Variants in DACH2 observed in about 807,000 individuals in gnomAD.
The protein encoded by DACH2 is dachshund family transcription factor 2.
Under a neutral mutation model 35.8 loss-of-function variants are expected in DACH2, and 17 were observed. The observed-to-expected ratio is 0.48, with a 90% CI of 0.33 to 0.71. DACH2 has a LOEUF of 0.71. Among genes scored for constraint, DACH2 ranks in the 30% least tolerant of loss-of-function variants. The probability of loss-of-function intolerance (pLI) is 0.02; values close to 1 mark genes in which losing one functional copy is unlikely to be tolerated. For missense variants in DACH2, 469 were observed against 472.7 expected (o/e 0.99, Z 0.07); for synonymous variants, 195 against 177.3 (o/e 1.10, Z -0.79).
At chrX:86,360,540 C>T (rs936039715) in intron 1 of DACH2, among the ~76,000 whole-genome samples, 3 of 111,687 alleles carry the variant, frequency 2.7e-5, no homozygotes, top group South Asian at 3.7e-4. Context: ...AAAAAACACA[C>T]TTTTACATTT....
At chrX:86,380,547 A>G (rs919413900) in intron 2 of DACH2, among the ~76,000 whole-genome samples, 5 of 110,871 alleles carry the variant, frequency 4.5e-5, no homozygotes, top group African/African-American at 1.6e-4. Context: ...GAAAAAAATA[A>G]GGAAAGAGCA....
chrX:86,460,001 C>T (rs1215462683), intron 2 of DACH2, among the ~76,000 whole-genome samples: 1 of 110,549 alleles, frequency 9.0e-6, no homozygotes, highest in Non-Finnish European at 1.9e-5. Context: ...TTTGCTCCCC[C>T]ATTTATATTA....
At chrX:86,452,418 C>A (rs772275784) in intron 2 of DACH2, among the ~76,000 whole-genome samples, 3 of 111,127 alleles carry the variant, frequency 2.7e-5, no homozygotes, top group Non-Finnish European at 5.7e-5. Flanking sequence ...CTTCTTTGTA[C>A]CTCTGGTAGT....
chrX:86,801,343 A>T (rs1158131780), intron 7 of DACH2, among the ~76,000 whole-genome samples: 1 of 110,396 alleles, frequency 9.1e-6, no homozygotes, highest in Non-Finnish European at 1.9e-5. Flanking sequence ...TGATCCTTCT[A>T]CCTCAGCATC....
intron 1 of DACH2, among the ~76,000 whole-genome samples, chrX:86,289,687 T>C (rs1221447889): frequency 9.5e-6 from 1 of 105,522 alleles, no homozygotes; most frequent in African/African-American, 3.5e-5. Context: ...TTTTTTCTTC[T>C]TGCGATAGTT....
At chrX:86,461,653 C>A (rs969913148) in intron 2 of DACH2, among the ~76,000 whole-genome samples, 8 of 111,100 alleles carry the variant, frequency 7.2e-5, no homozygotes, top group Middle Eastern at 4.6e-3. Flanking sequence ...GTCATTGAAA[C>A]TGTATAGATG....
At chrX:86,330,997 C>A (rs1347966488) in intron 1 of DACH2, among the ~76,000 whole-genome samples, 2 of 111,031 alleles carry the variant, frequency 1.8e-5, no homozygotes, top group Non-Finnish European at 3.8e-5. Flanking sequence ...TTAAGAAAAC[C>A]ACAGTTTCAT....
intron 1 of DACH2, among the ~76,000 whole-genome samples, chrX:86,198,678 A>G (rs952372053): frequency 2.7e-5 from 3 of 111,688 alleles, no homozygotes; most frequent in African/African-American, 9.8e-5. Context: ...AAATGGATAA[A>G]TTTCTGGAAA....
At chrX:86,618,896 T>C (rs911880125) in intron 3 of DACH2, among the ~76,000 whole-genome samples, 1 of 112,060 alleles carries the variant, frequency 8.9e-6, no homozygotes, top group African/African-American at 3.2e-5. Flanking sequence ...ATAAACTACA[T>C]TGGCTACCAC....
intron 2 of DACH2, among the ~76,000 whole-genome samples, chrX:86,484,905 G>A (rs1359037868): frequency 9.0e-6 from 1 of 111,603 alleles, no homozygotes; most frequent in Non-Finnish European, 1.9e-5. Context: ...AAATTTCTTA[G>A]CACATATTGT....
intron 3 of DACH2, among the ~76,000 whole-genome samples, chrX:86,564,589 G>C (rs1174627487): frequency 4.5e-5 from 5 of 111,272 alleles, no homozygotes; most frequent in African/African-American, 1.6e-4. Context: ...GCTGCCTCTG[G>C]TGCTGGTAAT....
At chrX:86,507,195 G>A (rs912917085) in intron 2 of DACH2, among the ~76,000 whole-genome samples, 1 of 111,244 alleles carries the variant, frequency 9.0e-6, no homozygotes, top group Non-Finnish European at 1.9e-5. Flanking sequence ...AAGTTCTTAA[G>A]ATATCCTAAA....
chrX:86,470,928 A>G (rs1293217241), intron 2 of DACH2, among the ~76,000 whole-genome samples: 1 of 111,726 alleles, frequency 9.0e-6, no homozygotes, highest in Non-Finnish European at 1.9e-5. Context: ...CTCAGTAAAC[A>G]TTATTAATTT....
At chrX:86,368,566 T>C (rs1330600155) in intron 1 of DACH2, among the ~76,000 whole-genome samples, 2 of 15,967 alleles carry the variant, frequency 1.3e-4, no homozygotes, top group Non-Finnish European at 2.5e-4. Flanking sequence ...TTCTTCTTCT[T>C]TTTTTTTTTT....
At chrX:86,693,007 A>C (rs1018321458) in intron 4 of DACH2, among the ~76,000 whole-genome samples, 10 of 112,519 alleles carry the variant, frequency 8.9e-5, no homozygotes, top group African/African-American at 3.2e-4. Flanking sequence ...TTGAAACTTC[A>C]AATTTGTTAA....
At chrX:86,641,660 T>C (rs965962754) in intron 3 of DACH2, among the ~76,000 whole-genome samples, 2 of 111,670 alleles carry the variant, frequency 1.8e-5, no homozygotes, top group East Asian at 2.8e-4. Context: ...CATCTGATTT[T>C]CCAAGATTGA....
chrX:86,349,163 A>T (rs183544843), intron 1 of DACH2, among the ~76,000 whole-genome samples: 266 of 111,709 alleles, frequency 2.4e-3, no homozygotes, highest in East Asian at 5.4e-3. Context: ...ATTGAGTGGT[A>T]GTTCTCTGCG....
Position 86,662,244 on chromosome X carries a change from G to A in DACH2, c.772+11077G>A, listed in dbSNP as rs2040612443. 2.7e-5 allele frequency among the ~76,000 whole-genome samples: 3 copies of A among 111,295 alleles called. No individual in the cohort carries two copies. In the South Asian group the frequency reaches 1.1e-3, roughly 42 times the overall value. ...GTAAGACAGTTCAGATTAAGGGGGA[G>A]GAAATGTAGGCAGAGTAAAGTAAGA... On this transcript the variant is annotated intron_variant, in intron 4 of 11. Coordinates refer to ENST00000373125, the MANE Select transcript of DACH2 (RefSeq NM_053281.3).
intron 6 of DACH2, among the ~76,000 whole-genome samples, chrX:86,722,969 G>A (rs1333855512): frequency 9.0e-6 from 1 of 111,361 alleles, no homozygotes; most frequent in Non-Finnish European, 1.9e-5. Context: ...TATTTTGTTT[G>A]ATGGTTATTT....
Sources: allele counts gnomAD v4.1 joint callset (sites outside exome capture counted in the v4.1 genomes callset), GRCh38; gene constraint gnomAD v4.1.1; transcripts MANE v1.5; gene names NCBI Gene and HGNC (gene_info 2026-07-23, HGNC 2026-07-21).